ARHGAP29: variants seen among roughly 807,000 people sequenced by gnomAD.
The protein encoded by ARHGAP29 is rho GTPase-activating protein 29.
ARHGAP29 carries 43 observed loss-of-function variants against 122.6 expected under a neutral mutation model. The observed-to-expected ratio is 0.35, with a 90% CI of 0.27 to 0.45. The LOEUF (loss-of-function observed/expected upper bound fraction) is 0.45. ARHGAP29 is among the 20% of genes least tolerant of loss of function. The pLI, the probability that ARHGAP29 is intolerant of heterozygous loss-of-function variation, is 1.00. For missense variants in ARHGAP29, 1,303 were observed against 1,477.2 expected (o/e 0.88, Z 1.93); for synonymous variants, 506 against 497.1 (o/e 1.02, Z -0.24).
chr1:94,233,751 T>C (rs1244221766), intron 1 of ARHGAP29, among the ~76,000 whole-genome samples: 1 of 152,154 alleles, frequency 6.6e-6, no homozygotes, highest in Non-Finnish European at 1.5e-5. Context: ...TAATAATACA[T>C]GTTAAGTGTA....
intron 5 of ARHGAP29, among the ~76,000 whole-genome samples, chr1:94,206,494 A>G (rs970142856): frequency 2.0e-5 from 3 of 152,210 alleles, no homozygotes; most frequent in Non-Finnish European, 2.9e-5. Flanking sequence ...CTAACTTTGT[A>G]AGTCCTTCTG....
intron 5 of ARHGAP29, 32 bp from the exon 6 acceptor site, chr1:94,205,715 T>G: frequency 3.1e-6 from 5 of 1,596,150 alleles, no homozygotes; most frequent in Non-Finnish European, 4.3e-6. Context: ...AATTTAAAAT[T>G]AGAGAAGAAC....
intron 1 of ARHGAP29, among the ~76,000 whole-genome samples, chr1:94,232,711 T>C (rs558026201): frequency 1.3e-5 from 2 of 152,216 alleles, no homozygotes; most frequent in Non-Finnish European, 2.9e-5. Context: ...AAGAAAATCA[T>C]AGTTATTTTC....
chr1:94,294,875 T>G, the ARHGAP29 span, among the ~76,000 whole-genome samples: 1 of 152,216 alleles, frequency 6.6e-6, no homozygotes, highest in Non-Finnish European at 1.5e-5. Context: ...GACAACAGTG[T>G]CAAATGCCCT....
upstream of ARHGAP29, among the ~76,000 whole-genome samples, chr1:94,238,053 ATTTTTTTTTTTTTT>A (rs71717670): frequency 1.6e-5 from 1 of 61,008 alleles, no homozygotes; most frequent in African/African-American, 8.0e-5. Context: ...GCCTATCTGT[ATTTTTTTTTTTTTT>A]TTTTTTTTTT....
chr1:94,305,417 G>A, the ARHGAP29 span, among the ~76,000 whole-genome samples: 1 of 152,158 alleles, frequency 6.6e-6, no homozygotes, highest in South Asian at 2.1e-4. Flanking sequence ...TATGTGGTAG[G>A]AACGCAAAGC....
chr1:94,268,753 A>G (rs1654880556), intron 1 of ARHGAP29, among the ~76,000 whole-genome samples: 1 of 152,126 alleles, frequency 6.6e-6, no homozygotes, highest in Admixed American at 6.5e-5. Flanking sequence ...CAGGCTGATC[A>G]TAGCTCACTG....
chr1:94,204,156 T>G (rs1339572098), intron 7 of ARHGAP29, among the ~76,000 whole-genome samples, 162 bp from the exon 8 acceptor site: 1 of 152,040 alleles, frequency 6.6e-6, no homozygotes, highest in East Asian at 1.9e-4. Flanking sequence ...TTTTTTTTTT[T>G]TTTTAAAAAG....
the ARHGAP29 span, among the ~76,000 whole-genome samples, chr1:94,289,046 T>C: frequency 2.0e-5 from 3 of 152,218 alleles, no homozygotes; most frequent in Admixed American, 6.5e-5. Flanking sequence ...GGCAGGTTGA[T>C]GGGGATAGTA....
At chr1:94,209,089 T>C (rs932972908) in intron 4 of ARHGAP29, among the ~76,000 whole-genome samples, 165 bp downstream of exon 4, 1 of 152,212 alleles carries the variant, frequency 6.6e-6, no homozygotes, top group African/African-American at 2.4e-5. Context: ...GCTATAAAAA[T>C]ATCTTCGAAT....
the ARHGAP29 span, among the ~76,000 whole-genome samples, chr1:94,290,088 C>G: frequency 6.6e-6 from 1 of 152,128 alleles, no homozygotes; most frequent in African/African-American, 2.4e-5. Context: ...CTTTGTACCT[C>G]TGGTAGAATT....
At chr1:94,299,421 A>T in the ARHGAP29 span, among the ~76,000 whole-genome samples, 8 of 152,318 alleles carry the variant, frequency 5.3e-5, no homozygotes, top group African/African-American at 1.9e-4. Context: ...TTAGTGGATT[A>T]TGTGAGTGGC....
At chr1:94,223,808 CT>C (rs1557873492) in intron 2 of ARHGAP29, among the ~76,000 whole-genome samples, 3 of 150,612 alleles carry the variant, frequency 2.0e-5, no homozygotes, top group Non-Finnish European at 3.0e-5. Flanking sequence ...AAAACCTTCC[CT>C]TTTTTTTTTT....
At chr1:94,238,734 CA>C (rs555472595), upstream of ARHGAP29, among the ~76,000 whole-genome samples, 130 of 151,720 alleles carry the variant, frequency 8.6e-4, 2 homozygotes, top group South Asian at 0.027. Flanking sequence ...TAAGTGAAGG[CA>C]AAAAGAGAAA....
At chr1:94,252,569 C>T (rs891898468) in intron 1 of ARHGAP29, among the ~76,000 whole-genome samples, 2 of 152,068 alleles carry the variant, frequency 1.3e-5, no homozygotes, top group Non-Finnish European at 2.9e-5. Context: ...CTGACCCTGC[C>T]CATGCTACCA....
chr1:94,219,464 T>C (rs568926233), intron 3 of ARHGAP29, among the ~76,000 whole-genome samples: 9 of 152,276 alleles, frequency 5.9e-5, no homozygotes, highest in African/African-American at 2.2e-4. Flanking sequence ...ACCACTAACA[T>C]TCAACCTGTG....
rs754541181 is a variant in ARHGAP29, at chr1:94,209,207, C to G, written c.437+47G>C. On this transcript the variant is annotated intron_variant, in intron 4 of 22. Transcript: ENST00000260526. ...TACTGGATAATGCAACATACTCTCA[C>G]TAAGACACCTAGGACTAGTTGCTTT... is the stretch of plus-strand genomic sequence containing the variant. The G allele has an allele frequency of 2.3e-6, 3 of 1,324,536 alleles. No homozygotes were observed. The South Asian group carries it at 3.7e-5, about 16-fold the overall frequency. The allele number at this position is 1,324,536 out of a possible 1,614,324, so 82.0% of individuals were successfully genotyped here.
chr1:94,185,174 A>C, intron 17 of ARHGAP29, 114 bp from the exon 18 acceptor site: 2 of 1,215,962 alleles, frequency 1.6e-6, no homozygotes, highest in Non-Finnish European at 2.2e-6. Flanking sequence ...TACTTGCGCT[A>C]TTTGAAACAG....
intron 1 of ARHGAP29, among the ~76,000 whole-genome samples, chr1:94,235,802 AGTGTT>A (rs1429029000): frequency 2.6e-5 from 4 of 152,212 alleles, no homozygotes; most frequent in Non-Finnish European, 5.9e-5. Context: ...TGTAAATCTA[AGTGTT>A]GTGTGCATTA....
Sources: gnomAD v4.1 joint callset for allele counts (sites outside exome capture counted in the v4.1 genomes callset) on GRCh38, gnomAD v4.1.1 for gene constraint, MANE v1.5 for transcripts, NCBI Gene and HGNC (gene_info 2026-07-23, HGNC 2026-07-21) for gene names.